VHL: variants seen among roughly 807,000 people sequenced by gnomAD.
VHL encodes von Hippel-Lindau tumor suppressor.
A neutral mutation model predicts 19.2 loss-of-function variants in VHL; 10 were observed. That is an observed-to-expected ratio of 0.52 (90% CI 0.32 to 0.89). VHL has a LOEUF of 0.89. VHL is among the 40% of genes least tolerant of loss of function. The pLI is 0.03. For missense variants in VHL, 328 were observed against 292.7 expected, an observed-to-expected ratio of 1.12 and a Z score of -0.88; for synonymous variants, 167 against 129.5, an observed-to-expected ratio of 1.29 and a Z score of -1.97.
chr3:10,146,484 CTCTT>C, intron 1 of VHL, 26 bp from the exon 2 acceptor site: 2 of 1,612,234 alleles, frequency 1.2e-6, no homozygotes, highest in Non-Finnish European at 1.7e-6. Context: ...ACCGGTGTGG[CTCTT>C]TAACAACCTT....
intron 2 of VHL, among the ~76,000 whole-genome samples, chr3:10,149,333 G>A (rs1177398942): frequency 7.9e-5 from 12 of 151,888 alleles, no homozygotes; most frequent in Admixed American, 7.9e-4. Flanking sequence ...GGCTGGTCTC[G>A]AACTCCTGAG....
rs71052299 is a variant in VHL at position 10,152,481 on chromosome 3, C to CT, written c.*2545dup. Among the ~76,000 whole-genome samples the CT allele has an allele frequency of 7.8e-5, 5 of 64,454 alleles. No homozygotes were observed. The highest frequency in any genetic ancestry group is 1.1e-4 in the Non-Finnish European group (4 of 37,552). The allele number at this position is 64,454 out of a possible 152,430, so 42.3% of individuals were successfully genotyped here. ...CTCCTTTCAACATTCAACAAATAGTCTTTTTTTTTTTTTTTTTTTTTTTTT... is the reference window on the plus strand; with the variant it reads ...CTCCTTTCAACATTCAACAAATAGTCTTTTTTTTTTTTTTTTTTTTTTTTTT... On this transcript the variant is annotated 3_prime_UTR_variant, in exon 3 of 3. Transcript: ENST00000256474.
In VHL at chr3:10,141,823, C is replaced by A. The variant is rs1340337531; in HGVS notation, c.-25C>A. ...ACCCGCGGATCCCGCGGCGTCCGGCCCGGGTGGTCTGGATCGCGGAGGGAA... is the reference window on the plus strand; with the variant it reads ...ACCCGCGGATCCCGCGGCGTCCGGCACGGGTGGTCTGGATCGCGGAGGGAA... On this transcript the variant is annotated 5_prime_UTR_variant, in exon 1 of 3. Transcript: ENST00000256474. 3.9e-6 allele frequency: 6 copies of A among 1,536,554 alleles called. No individual in the cohort carries two copies. The African/African-American group carries it at 6.9e-5, about 18-fold the overall frequency.
Position 10,144,471 on chromosome 3 carries a change from G to T in VHL, c.341-2043G>T, listed in dbSNP as rs1237567756. Among the ~76,000 whole-genome samples, 7 of 148,406 alleles carry T rather than the reference G, an allele frequency of 4.7e-5. No homozygotes were observed. In the South Asian group the frequency reaches 1.5e-3, roughly 32 times the overall value. Reference sequence around the variant, plus strand: ...TGCTGTACTCTAGTCTGGTAACACAGCAAGACCCTGTCTCTCTATCTTGTC... The same window carrying T: ...TGCTGTACTCTAGTCTGGTAACACATCAAGACCCTGTCTCTCTATCTTGTC... On this transcript the variant is annotated intron_variant, in intron 1 of 2. Transcript: ENST00000256474.
chr3:10,151,930 A>T lies in VHL; in HGVS notation c.*1965A>T, dbSNP rs1696420889. 1 of 176,238 alleles carries T rather than the reference A, an allele frequency of 5.7e-6. No individual in the cohort carries two copies. The highest frequency in any genetic ancestry group is 2.0e-4 in the South Asian group (1 of 5,070). 10.9% of individuals were successfully genotyped at this position (176,238 alleles called of 1,614,324 possible). ...AATTTTTAAAAATTAGCATGGCGGC[A>T]CACATCTGTAATCCTAGCTACTTGG... On this transcript the variant is annotated 3_prime_UTR_variant, in exon 3 of 3. Transcript: ENST00000256474.
At chr3:10,145,677 G>C (rs1268467842) in intron 1 of VHL, among the ~76,000 whole-genome samples, 4 of 145,930 alleles carry the variant, frequency 2.7e-5, no homozygotes, top group African/African-American at 1.0e-4. Flanking sequence ...CTGCACTCCA[G>C]CCTGGGCGAC....
chr3:10,149,316 G>A (rs187630323), intron 2 of VHL, among the ~76,000 whole-genome samples: 7 of 151,804 alleles, frequency 4.6e-5, no homozygotes, highest in African/African-American at 1.7e-4. Flanking sequence ...GTTTCGCCAT[G>A]TTGCCAGGCT....
At position 10,151,950 on chromosome 3, in the gene VHL, A is replaced by G. The variant is rs1408695975; in HGVS notation, c.*1985A>G. ...GCGGCACACATCTGTAATCCTAGCT[A>G]CTTGGCAGGCTGAGGTGAGAAGATC... On this transcript the variant is annotated 3_prime_UTR_variant, in exon 3 of 3. Transcript: ENST00000256474. The G allele has an allele frequency of 2.8e-5, 5 of 181,186 alleles. No individual in the cohort carries two copies. The highest frequency in any genetic ancestry group is 6.3e-5 in the Admixed American group (1 of 15,834). 11.2% of individuals were successfully genotyped at this position (181,186 alleles called of 1,614,324 possible). A position where few individuals can be genotyped will look rare whatever the true frequency, so the allele number is the denominator to read the frequency against.
chr3:10,141,796 C>G lies in VHL; in HGVS notation c.-52C>G. The G allele has an allele frequency of 4.6e-6, 7 of 1,532,808 alleles. No individual in the cohort carries two copies. In the South Asian group the frequency reaches 8.4e-5, roughly 18 times the overall value. The allele number at this position is 1,532,808 out of a possible 1,614,324, so 95.0% of individuals were successfully genotyped here. A position where few individuals can be genotyped will look rare whatever the true frequency, so the allele number is the denominator to read the frequency against. On this transcript the variant is annotated 5_prime_UTR_variant, in exon 1 of 3. Coordinates refer to ENST00000256474, the MANE Select transcript of VHL (RefSeq NM_000551.4). The stretch of plus-strand genomic sequence containing the variant: ...CGCGCACGCAGCTCCGCCCCGCGTC[C>G]GACCCGCGGATCCCGCGGCGTCCGG...
In VHL at chr3:10,141,978, G is replaced by C. The variant is rs1056226386; in HGVS notation, c.131G>C (p.Gly44Ala). Residue 44 changes from glycine to alanine, a missense_variant, in exon 1 of 3, where the codon GGC becomes GCC. Physicochemically the swap from Gly to Ala is moderately conservative, Grantham distance 60. Transcript: ENST00000256474. ...GAEESGPEESGPEELGAEEEM... is the reference protein window; with the variant it reads ...GAEESGPEESAPEELGAEEEM... Reference sequence around the variant, plus strand: ...GAGGAGTCCGGCCCGGAAGAGTCCGGCCCGGAGGAACTGGGCGCCGAGGAG... The same window carrying C: ...GAGGAGTCCGGCCCGGAAGAGTCCGCCCCGGAGGAACTGGGCGCCGAGGAG... 6.4e-7 allele frequency: 1 copy of C among 1,563,522 alleles called. No homozygotes were observed. Among genetic ancestry groups the C allele is most frequent in the Non-Finnish European group, 8.7e-7 (1 of 1,155,602 alleles).
intron 1 of VHL, among the ~76,000 whole-genome samples, chr3:10,143,389 A>G (rs1415590498): frequency 1.3e-5 from 2 of 152,162 alleles, no homozygotes; most frequent in Non-Finnish European, 2.9e-5. Context: ...TTGGCCTCCC[A>G]AAGTGCTGAG....
At chr3:10,144,657 A>G (rs1284536546) in intron 1 of VHL, among the ~76,000 whole-genome samples, 5 of 151,958 alleles carry the variant, frequency 3.3e-5, no homozygotes, top group Admixed American at 1.3e-4. Flanking sequence ...GACTATAGGC[A>G]TGCTCCACTA....
Position 10,142,067 on chromosome 3 carries a change from G to A in VHL, c.220G>A (p.Val74Ile), listed in dbSNP as rs2125125032. The A allele has an allele frequency of 6.2e-7, 1 of 1,607,278 alleles. No homozygotes were observed. Among genetic ancestry groups the A allele is most frequent in the Non-Finnish European group, 8.5e-7 (1 of 1,179,318 alleles). Residue 74 changes from valine (V) to isoleucine (I), a missense_variant, in exon 1 of 3, where the codon GTC becomes ATC. By Grantham distance (29) the Val-to-Ile change is conservative. Transcript: ENST00000256474. Reference sequence around the variant, plus strand: ...GGTGAACTCGCGCGAGCCCTCCCAGGTCATCTTCTGCAATCGCAGTCCGCG... The same window carrying A: ...GGTGAACTCGCGCGAGCCCTCCCAGATCATCTTCTGCAATCGCAGTCCGCG... ...RSVNSREPSQVIFCNRSPRVV... is the reference protein window; with the variant it reads ...RSVNSREPSQIIFCNRSPRVV...
chr3:10,150,232 C>T lies in VHL; in HGVS notation c.*267C>T. On this transcript the variant is annotated 3_prime_UTR_variant, in exon 3 of 3. Transcript: ENST00000256474. The stretch of plus-strand genomic sequence containing the variant: ...GTGGCATTTTTGCTTCCTAGTAAGT[C>T]AGGACAGCTTGTATGTAAGGAGGTT... 1 of 1,342,664 alleles carries T rather than the reference C, an allele frequency of 7.4e-7. No individual in the cohort carries two copies. The highest frequency in any genetic ancestry group is 9.6e-7 in the Non-Finnish European group (1 of 1,041,072). The allele number at this position is 1,342,664 out of a possible 1,614,324, so 83.2% of individuals were successfully genotyped here. A position where few individuals can be genotyped will look rare whatever the true frequency, so the allele number is the denominator to read the frequency against.
intron 2 of VHL, among the ~76,000 whole-genome samples, chr3:10,147,770 G>C (rs1019221031): frequency 1.3e-5 from 2 of 151,386 alleles, no homozygotes; most frequent in Non-Finnish European, 1.5e-5. Flanking sequence ...TGATGTTCCT[G>C]TGGGTAAAAA....
Position 10,141,800 on chromosome 3 carries a change from C to T in VHL, c.-48C>T, listed in dbSNP as rs973379327. 9 of 1,534,268 alleles carry T rather than the reference C, an allele frequency of 5.9e-6. No homozygotes were observed. Among genetic ancestry groups the T allele is most frequent in the Admixed American group, 2.0e-5 (1 of 49,204 alleles). ...CACGCAGCTCCGCCCCGCGTCCGACCCGCGGATCCCGCGGCGTCCGGCCCG... is the reference window on the plus strand; with the variant it reads ...CACGCAGCTCCGCCCCGCGTCCGACTCGCGGATCCCGCGGCGTCCGGCCCG... On this transcript the variant is annotated 5_prime_UTR_variant, in exon 1 of 3. Coordinates refer to ENST00000256474, the MANE Select transcript of VHL (RefSeq NM_000551.4).
intron 1 of VHL, 87 bp downstream of exon 1, chr3:10,142,274 C>T (rs1696143718): frequency 6.7e-7 from 1 of 1,493,288 alleles, no homozygotes; most frequent in Admixed American, 2.0e-5. Context: ...ATTTTGCAGA[C>T]GGGGAACTGA....
intron 1 of VHL, among the ~76,000 whole-genome samples, chr3:10,143,546 CAA>C (rs1463348984): frequency 6.6e-6 from 1 of 152,196 alleles, no homozygotes; most frequent in Non-Finnish European, 1.5e-5. Context: ...CTCCCTGGTT[CAA>C]GCGATTCTCC....
intron 1 of VHL, among the ~76,000 whole-genome samples, chr3:10,145,135 A>G (rs1397478479): frequency 6.6e-6 from 1 of 152,162 alleles, no homozygotes; most frequent in African/African-American, 2.4e-5. Flanking sequence ...CGGAGGTGGC[A>G]GTGAGCCAAG....
Sources: allele counts gnomAD v4.1 joint callset (sites outside exome capture counted in the v4.1 genomes callset), GRCh38; gene constraint gnomAD v4.1.1; transcripts MANE v1.5; gene names NCBI Gene and HGNC (gene_info 2026-07-23, HGNC 2026-07-21).